The following MYO18A variants were observed in gnomAD, a reference collection of about 807,000 sequenced individuals.
MYO18A encodes the protein unconventional myosin-XVIIIa.
A neutral mutation model predicts 235.8 loss-of-function variants in MYO18A; 78 were observed. The ratio of observed to expected loss-of-function variants is 0.33; its 90% CI spans 0.28 to 0.40. The LOEUF (loss-of-function observed/expected upper bound fraction) is 0.40, where lower values mean the gene tolerates loss of function less well. Ranked by LOEUF, MYO18A falls within the 10% of genes least tolerant of loss-of-function variation. The pLI is 1.00. For missense variants in MYO18A, 2,215 were observed against 2,699.3 expected (o/e 0.82, Z 3.98); for synonymous variants, 977 against 1,077.8 (o/e 0.91, Z 1.83).
chr17:29,130,361 G>T (rs116169766), intron 2 of MYO18A, among the ~76,000 whole-genome samples: 3,711 of 149,444 alleles, frequency 0.025, 151 homozygotes, highest in African/African-American at 0.086. Flanking sequence ...ATAGTAATTG[G>T]TAAGACTTAC....
intron 2 of MYO18A, among the ~76,000 whole-genome samples, chr17:29,144,434 C>G (rs1356823870): frequency 6.6e-6 from 1 of 152,196 alleles, no homozygotes; most frequent in African/African-American, 2.4e-5. Context: ...TCCTGCCTCC[C>G]TTATGAAGCC....
rs979236444 is a variant in MYO18A at position 29,115,740 on chromosome 17, C to T, written c.2151G>A (p.Gln717=). The T allele has an allele frequency of 6.2e-7, 1 of 1,601,982 alleles. No homozygotes were observed. The highest frequency in any genetic ancestry group is 2.3e-5 in the East Asian group (1 of 44,434). The change falls in exon 12 of 42, where the codon CAG becomes CAA. Residue 717 remains glutamine, a synonymous_variant. Coordinates refer to ENST00000527372, the MANE Select transcript of MYO18A (RefSeq NM_078471.4). Reference sequence around the variant, plus strand: ...AGCGCTGCAGGGTGCCACCCTTGTGCTGGTGCTTGAAGATGGCTGAGGACA... The same window carrying T: ...AGCGCTGCAGGGTGCCACCCTTGTGTTGGTGCTTGAAGATGGCTGAGGACA... ...EELSSAIFKH[Q]HKGGTLQRST... is the part of the protein sequence containing the mutation.
rs148795283 is a variant in MYO18A at position 29,086,426 on chromosome 17, G to A, written c.5852+12C>T. 1,130 of 1,587,114 alleles carry A rather than the reference G, an allele frequency of 7.1e-4. 11 individuals are homozygous for A. The African/African-American group carries it at 0.013, about 18-fold the overall frequency. ...CGTGCTAGCTGCAGATGCCCCAGAGGCCACTTCTCACCTGTTGATGAGGTC... is the reference window on the plus strand; with the variant it reads ...CGTGCTAGCTGCAGATGCCCCAGAGACCACTTCTCACCTGTTGATGAGGTC... On this transcript the variant is annotated intron_variant, in intron 39 of 41. Transcript: ENST00000527372.
At position 29,120,664 on chromosome 17, in the gene MYO18A, G is replaced by A. The variant is rs2067175430; in HGVS notation, c.1680C>T (p.Leu560=). Residue 560 remains leucine (L), a synonymous_variant, in exon 7 of 42, where the codon CTC becomes CTT. Transcript: ENST00000527372. The surrounding 1 kb of genome is among the most constrained non-coding windows in gnomAD (Gnocchi z 4.2). ...GGCCAGCTTGGTCAAAGTCCAGGGA[G>A]AGGATCTGGGAGAAGCGGGTGGCAT... ...NGNATRFSQI[L]SLDFDQAGQV... 2.5e-6 allele frequency: 4 copies of A among 1,614,052 alleles called. No individual in the cohort carries two copies. The highest frequency in any genetic ancestry group is 1.3e-5 in the African/African-American group (1 of 75,068).
At chr17:29,113,886 G>T (rs2066992250) in intron 15 of MYO18A, 125 bp downstream of exon 15, 1 of 729,786 alleles carries the variant, frequency 1.4e-6, no homozygotes, top group Non-Finnish European at 2.3e-6. Flanking sequence ...GGGCATAGCT[G>T]CTGGACCCTC....
chr17:29,107,428 A>T (rs7219105), intron 19 of MYO18A: 236,354 of 502,778 alleles, frequency 0.47, 58,401 homozygotes, highest in East Asian at 0.86. Flanking sequence ...CCAAAAAAGG[A>T]ACAGCCTCCT....
At chr17:29,148,887 G>C (rs2152943359) in intron 2 of MYO18A, among the ~76,000 whole-genome samples, 1 of 152,324 alleles carries the variant, frequency 6.6e-6, no homozygotes, top group African/African-American at 2.4e-5. Flanking sequence ...TGAGGGCCGA[G>C]TCAGCCCCAG....
rs777092441 is a variant in MYO18A, at chr17:29,096,794, A to C, written c.4352T>G (p.Val1451Gly). 1 of 1,606,800 alleles carries C rather than the reference A, an allele frequency of 6.2e-7. No homozygotes were observed. Among genetic ancestry groups the C allele is most frequent in the Non-Finnish European group, 8.5e-7 (1 of 1,176,810 alleles). ...CTTCTTCTCCAGTTCGTGGTTGCGG[A>C]CCTGCTGGCCCTCCAGGTGCAGCTT... ...DTKLHLEGQQ[V>G]RNHELEKKQR... Residue 1451 changes from valine (V) to glycine (G), a missense_variant, in exon 28 of 42, where the codon GTC becomes GGC. By Grantham distance (109) the Val-to-Gly change is moderately radical. Coordinates refer to ENST00000527372, the MANE Select transcript of MYO18A (RefSeq NM_078471.4).
At chr17:29,163,052 G>A (rs2068208037) in intron 2 of MYO18A, among the ~76,000 whole-genome samples, 1 of 152,220 alleles carries the variant, frequency 6.6e-6, no homozygotes, top group South Asian at 2.1e-4. Context: ...GAGCTCCCTG[G>A]GGACAGGCAA....
rs1257162679 is a variant in MYO18A, at chr17:29,095,010, G to A, written c.4435C>T (p.Leu1479=). The stretch of plus-strand genomic sequence containing the variant: ...TCCCGCTGCAGCTTCTCCCGCTGCA[G>A]CTTCTCCCGCTGGGCCTCCTCATGC... ...QAHEEAQREK[L]QREKLQREKD... The change falls in exon 29 of 42, where the codon CTG becomes TTG. Residue 1479 remains leucine (L), a synonymous_variant. Transcript: ENST00000527372. 1.9e-6 allele frequency: 3 copies of A among 1,576,880 alleles called. No homozygotes were observed. The highest frequency in any genetic ancestry group is 2.6e-6 in the Non-Finnish European group (3 of 1,160,354).
At chr17:29,167,759 A>G (rs1477704099) in intron 1 of MYO18A, among the ~76,000 whole-genome samples, 3 of 151,554 alleles carry the variant, frequency 2.0e-5, no homozygotes, top group African/African-American at 7.3e-5. Context: ...ATGCAACATC[A>G]CCTCCCACAG....
chr17:29,166,293 A>T lies in MYO18A; in HGVS notation c.648T>A (p.Pro216=). Residue 216 remains proline (P), a synonymous_variant, in exon 2 of 42, where the codon CCT becomes CCA. Transcript: ENST00000527372. ...GTTGCAGCTCCAGCTCCCGGAGGGT[A>T]GGTGGGGGCAGGGGCACCACGGGGG... ...RLPPVVPLPP[P]TLRELELQRR... is the part of the protein sequence containing the mutation. 1 of 1,612,730 alleles carries T rather than the reference A, an allele frequency of 6.2e-7. No individual in the cohort carries two copies. The highest frequency in any genetic ancestry group is 8.5e-7 in the Non-Finnish European group (1 of 1,179,842).
rs758514569 is a variant in MYO18A, at chr17:29,109,966, G to T, written c.3223C>A (p.Pro1075Thr). Residue 1075 changes from proline to threonine, a missense_variant, in exon 19 of 42, where the codon CCC becomes ACC. Coordinates refer to ENST00000527372, the MANE Select transcript of MYO18A (RefSeq NM_078471.4). This position sits in a 1 kb window ranked among gnomAD's most constrained non-coding sequence, Gnocchi z 4.1. ...RVSSSSELDL[P>T]SGDHCEAGLL... The stretch of plus-strand genomic sequence containing the variant: ...CCAGCCTCGCAGTGGTCTCCCGAGG[G>T]CAGGTCCAGCTCACTGCTGCTGCTG... 97 of 1,610,992 alleles carry T rather than the reference G, an allele frequency of 6.0e-5. No individual in the cohort carries two copies. The highest frequency in any genetic ancestry group is 3.5e-4 in the Admixed American group (21 of 59,696).
intron 21 of MYO18A, among the ~76,000 whole-genome samples, chr17:29,100,626 G>A (rs1034601398): frequency 6.6e-6 from 1 of 152,118 alleles, no homozygotes; most frequent in Non-Finnish European, 1.5e-5. Flanking sequence ...GGGAAGGGTC[G>A]GGTGAAAAAA....
At chr17:29,086,299 T>C in intron 39 of MYO18A, 139 bp downstream of exon 39, 1 of 955,384 alleles carries the variant, frequency 1.0e-6, no homozygotes, top group East Asian at 2.7e-5. Flanking sequence ...TGCTGGGATC[T>C]GGCAGTAAAG....
Position 29,126,283 on chromosome 17 carries a change from T to C in MYO18A, c.1000-4030A>G, listed in dbSNP as rs923638. The stretch of plus-strand genomic sequence containing the variant: ...AGGTCAGGGCATGTCTCAGCTCCCA[T>C]CTCCTCCCTTGTGAGAGGAGGAGGG... On this transcript the variant is annotated intron_variant, in intron 2 of 41. Coordinates refer to ENST00000527372, the MANE Select transcript of MYO18A (RefSeq NM_078471.4). The surrounding 1 kb of genome is among the most constrained non-coding windows in gnomAD (Gnocchi z 4.1). 6.7e-6 allele frequency among the ~76,000 whole-genome samples: 1 copy of C among 149,628 alleles called. No homozygotes were observed. The highest frequency in any genetic ancestry group is 1.5e-5 in the Non-Finnish European group (1 of 67,212).
chr17:29,093,154 T>C (rs1352237994), intron 32 of MYO18A, among the ~76,000 whole-genome samples, 153 bp from the exon 33 acceptor site: 1 of 152,142 alleles, frequency 6.6e-6, no homozygotes, highest in East Asian at 1.9e-4. Flanking sequence ...AAGGGCTGGG[T>C]GTGCCAATGT....
At chr17:29,088,084 G>C (rs531486664) in intron 37 of MYO18A, among the ~76,000 whole-genome samples, 2 of 139,200 alleles carry the variant, frequency 1.4e-5, no homozygotes, top group South Asian at 4.6e-4. Flanking sequence ...GAGACGGAGT[G>C]TCGCTGTCGC....
At chr17:29,085,713 C>T in intron 39 of MYO18A, 65 bp from the exon 40 acceptor site, 1 of 1,531,084 alleles carries the variant, frequency 6.5e-7, no homozygotes, top group Non-Finnish European at 9.0e-7. Context: ...AATCGGCAAC[C>T]CAAGGTGGAC....
Sources: allele counts gnomAD v4.1 joint callset (sites outside exome capture counted in the v4.1 genomes callset), GRCh38; gene constraint gnomAD v4.1.1; non-coding constraint Gnocchi (gnomAD v3.1); transcripts MANE v1.5; gene names NCBI Gene and HGNC (gene_info 2026-07-23, HGNC 2026-07-21).